The following IMMP2L variants were observed in gnomAD, a reference collection of about 807,000 sequenced individuals.
The protein encoded by IMMP2L is mitochondrial inner membrane protease subunit 2.
A neutral mutation model predicts 19.3 loss-of-function variants in IMMP2L; 18 were observed. The ratio of observed to expected loss-of-function variants is 0.93; its 90% CI spans 0.64 to 1.38. IMMP2L has a LOEUF of 1.38. IMMP2L is among the 40% of genes most tolerant of loss of function. The probability of loss-of-function intolerance (pLI) is 0.00; values close to 1 mark genes in which losing one functional copy is unlikely to be tolerated. For synonymous variants in IMMP2L, 76 were observed against 73.0 expected (o/e 1.04, Z -0.21); for missense variants, 233 against 218.2 (o/e 1.07, Z -0.43).
intron 1 of IMMP2L, among the ~76,000 whole-genome samples, chr7:111,543,784 C>A (rs1430847258): frequency 6.6e-6 from 1 of 152,126 alleles, no homozygotes; most frequent in Non-Finnish European, 1.5e-5. Context: ...AATCAAATAG[C>A]AATCCTTAAG....
At chr7:111,273,765 A>G (rs1438652950) in intron 3 of IMMP2L, among the ~76,000 whole-genome samples, 1 of 152,084 alleles carries the variant, frequency 6.6e-6, no homozygotes, top group Admixed American at 6.6e-5. Context: ...CAAATATTAC[A>G]TGGAATATTT....
chr7:110,675,525 T>C (rs1792238242), intron 5 of IMMP2L, among the ~76,000 whole-genome samples: 1 of 152,212 alleles, frequency 6.6e-6, no homozygotes, highest in Non-Finnish European at 1.5e-5. Flanking sequence ...TAAGTCTCCG[T>C]AATGAGATTT....
chr7:111,419,212 G>T (rs938992313), intron 3 of IMMP2L, among the ~76,000 whole-genome samples: 1 of 151,540 alleles, frequency 6.6e-6, no homozygotes, highest in South Asian at 2.1e-4. Flanking sequence ...AAAAAATTTT[G>T]AATTATTAAT....
chr7:111,358,742 T>A (rs957771437), intron 3 of IMMP2L, among the ~76,000 whole-genome samples: 1 of 152,112 alleles, frequency 6.6e-6, no homozygotes, highest in African/African-American at 2.4e-5. Flanking sequence ...ATGACCGTTC[T>A]CATTGTTGAT....
At chr7:111,559,447 G>A (rs1047748999) in intron 1 of IMMP2L, among the ~76,000 whole-genome samples, 1 of 152,008 alleles carries the variant, frequency 6.6e-6, no homozygotes, top group Non-Finnish European at 1.5e-5. Flanking sequence ...ATAGTGTCAG[G>A]GCTTTTTAAA....
chr7:111,171,299 G>A (rs1338445775), intron 3 of IMMP2L, among the ~76,000 whole-genome samples: 1 of 151,580 alleles, frequency 6.6e-6, no homozygotes, highest in African/African-American at 2.4e-5. Flanking sequence ...TTCCCATGAG[G>A]CCTCAATATT....
chr7:111,243,719 A>C (rs1364158866), intron 3 of IMMP2L, among the ~76,000 whole-genome samples: 1 of 94,350 alleles, frequency 1.1e-5, no homozygotes, highest in Non-Finnish European at 2.1e-5. Flanking sequence ...TCCTGTGTCC[A>C]TGTGATCTCA....
At chr7:110,862,308 G>A (rs1001983920) in intron 5 of IMMP2L, among the ~76,000 whole-genome samples, 3 of 151,410 alleles carry the variant, frequency 2.0e-5, no homozygotes, top group African/African-American at 7.3e-5. Context: ...AATGTCTTTA[G>A]AGGAGATTTT....
chr7:111,340,176 C>A (rs1826870492), intron 3 of IMMP2L, among the ~76,000 whole-genome samples: 1 of 151,932 alleles, frequency 6.6e-6, no homozygotes, highest in Non-Finnish European at 1.5e-5. Context: ...GTAGCATACA[C>A]AGTGCAAAAA....
chr7:111,372,719 T>G (rs539749583), intron 3 of IMMP2L, among the ~76,000 whole-genome samples: 1 of 151,818 alleles, frequency 6.6e-6, no homozygotes, highest in Non-Finnish European at 1.5e-5. Context: ...TCTATCTCTT[T>G]CCCTCCTAGT....
chr7:110,736,173 C>G (rs1007141887), intron 5 of IMMP2L, among the ~76,000 whole-genome samples: 1 of 152,118 alleles, frequency 6.6e-6, no homozygotes, highest in Non-Finnish European at 1.5e-5. Flanking sequence ...AGTACAAGAG[C>G]TATGGGGGCT....
intron 3 of IMMP2L, among the ~76,000 whole-genome samples, chr7:111,375,823 CA>C (rs1299528932): frequency 6.6e-6 from 1 of 152,034 alleles, no homozygotes; most frequent in East Asian, 1.9e-4. Flanking sequence ...CAGGCCCGGC[CA>C]AAAGTGACAT....
At chr7:111,474,458 G>A (rs1453972444) in intron 3 of IMMP2L, among the ~76,000 whole-genome samples, 2 of 151,534 alleles carry the variant, frequency 1.3e-5, no homozygotes, top group East Asian at 1.9e-4. Flanking sequence ...ATAACTGCAG[G>A]AGGTTAAGTT....
At chr7:110,851,371 T>G (rs1229690475) in intron 5 of IMMP2L, among the ~76,000 whole-genome samples, 1 of 152,148 alleles carries the variant, frequency 6.6e-6, no homozygotes, top group Non-Finnish European at 1.5e-5. Context: ...TTCAAGCAGG[T>G]GCATGATGCA....
At chr7:111,088,466 G>A (rs911016793) in intron 3 of IMMP2L, among the ~76,000 whole-genome samples, 2 of 151,976 alleles carry the variant, frequency 1.3e-5, no homozygotes, top group Non-Finnish European at 2.9e-5. Flanking sequence ...AAAATGAAGG[G>A]AGAGAAGGAG....
intron 4 of IMMP2L, among the ~76,000 whole-genome samples, chr7:110,904,038 T>G (rs1387725171): frequency 6.6e-6 from 1 of 152,160 alleles, no homozygotes; most frequent in Non-Finnish European, 1.5e-5. Flanking sequence ...GAGAAACATC[T>G]ACTCAAGTCC....
chr7:110,808,155 T>C (rs1390977610), intron 5 of IMMP2L, among the ~76,000 whole-genome samples: 1 of 152,070 alleles, frequency 6.6e-6, no homozygotes, highest in African/African-American at 2.4e-5. Flanking sequence ...TTAAAATACA[T>C]ATTCAAATAA....
intron 3 of IMMP2L, among the ~76,000 whole-genome samples, chr7:111,273,124 A>T (rs892496441): frequency 5.3e-5 from 8 of 152,000 alleles, no homozygotes; most frequent in Non-Finnish European, 1.2e-4. Flanking sequence ...CTAAAATACA[A>T]AAATTCACTG....
intron 3 of IMMP2L, among the ~76,000 whole-genome samples, chr7:111,391,168 A>C (rs1033638425): frequency 6.6e-6 from 1 of 152,126 alleles, no homozygotes; most frequent in Non-Finnish European, 1.5e-5. Context: ...GGACTAAAGA[A>C]TCTCTAGGAA....
Sources: allele counts gnomAD v4.1 joint callset (sites outside exome capture counted in the v4.1 genomes callset), GRCh38; gene constraint gnomAD v4.1.1; transcripts MANE v1.5; gene names NCBI Gene and HGNC (gene_info 2026-07-23, HGNC 2026-07-21).